The following PRKDC variants were observed in gnomAD, a reference collection of about 807,000 sequenced individuals.
PRKDC encodes the protein protein kinase, DNA-activated, catalytic subunit, also known as DNA-dependent protein kinase catalytic subunit.
In PRKDC, 82 loss-of-function variants were observed where a neutral mutation model predicts 486.9. That is an observed-to-expected ratio of 0.17 (90% confidence interval 0.14 to 0.20). The LOEUF is 0.20. Ranked by LOEUF, PRKDC falls within the 10% of genes least tolerant of loss-of-function variation. The pLI is 1.00. For synonymous variants in PRKDC, 1,895 were observed against 1,837.0 expected (o/e 1.03, Z -0.81); for missense variants, 4,504 against 5,038.2 (o/e 0.89, Z 3.21).
chr8:47,899,428 G>A (rs371622472), intron 28 of PRKDC, among the ~76,000 whole-genome samples: 5 of 152,044 alleles, frequency 3.3e-5, no homozygotes, highest in South Asian at 2.1e-4. Flanking sequence ...GGTGGATCAC[G>A]TAAGGTCAGG....
chr8:47,840,453 T>A (rs2088114008), intron 54 of PRKDC, among the ~76,000 whole-genome samples: 1 of 152,210 alleles, frequency 6.6e-6, no homozygotes, highest in African/African-American at 2.4e-5. Flanking sequence ...AAAGTCTAGT[T>A]TGGTAAATAG....
At chr8:47,874,809 C>G (rs1005592230) in intron 40 of PRKDC, among the ~76,000 whole-genome samples, 2 of 152,136 alleles carry the variant, frequency 1.3e-5, no homozygotes, top group Non-Finnish European at 2.9e-5. Flanking sequence ...AATCCCAGCA[C>G]TTTGGAAGGC....
intron 31 of PRKDC, among the ~76,000 whole-genome samples, chr8:47,891,794 C>T (rs2089464246): frequency 6.6e-6 from 1 of 152,168 alleles, no homozygotes; most frequent in South Asian, 2.1e-4. Flanking sequence ...AGACACACTG[C>T]AACCATGGAT....
chr8:47,793,898 T>C (rs1721520844), intron 74 of PRKDC, among the ~76,000 whole-genome samples: 1 of 152,142 alleles, frequency 6.6e-6, no homozygotes, highest in Non-Finnish European at 1.5e-5. Flanking sequence ...CGGTCTCAAC[T>C]CATAAATCCG....
At chr8:47,815,205 T>C (rs914311194) in intron 68 of PRKDC, among the ~76,000 whole-genome samples, 1 of 152,104 alleles carries the variant, frequency 6.6e-6, no homozygotes, top group Admixed American at 6.6e-5. Flanking sequence ...TATAAAGTGA[T>C]ATAAATGAAG....
intron 44 of PRKDC, 26 bp downstream of exon 44, chr8:47,862,036 T>C (rs745322528): frequency 2.6e-5 from 40 of 1,524,502 alleles, no homozygotes; most frequent in South Asian, 1.5e-4. Flanking sequence ...TGATAAGTTT[T>C]TTTTAACATT....
intron 37 of PRKDC, 63 bp from the exon 38 acceptor site, chr8:47,881,583 A>C: frequency 1.2e-6 from 1 of 838,090 alleles, no homozygotes; most frequent in Non-Finnish European, 1.8e-6. Context: ...CCTTTAGCCC[A>C]TTGCTCAAAT....
At chr8:47,881,059 A>AAAGAAAGC (rs796463191) in intron 38 of PRKDC, among the ~76,000 whole-genome samples, 49 of 148,978 alleles carry the variant, frequency 3.3e-4, no homozygotes, top group Non-Finnish European at 4.6e-4. Context: ...AAAAAAAAAA[A>AAAGAAAGC]AAGAAAGCAA....
At chr8:47,911,519 C>T (rs1225701696) in intron 25 of PRKDC, among the ~76,000 whole-genome samples, 2 of 152,180 alleles carry the variant, frequency 1.3e-5, no homozygotes, top group African/African-American at 4.8e-5. Context: ...TCTATTTAAT[C>T]ACAGTGCATC....
rs1286300030 is a variant in PRKDC at position 47,824,637 on chromosome 8, A to G, written c.8784-641T>C. Among the ~76,000 whole-genome samples, 3 of 152,138 alleles carry G rather than the reference A, an allele frequency of 2.0e-5. No individual in the cohort carries two copies. The East Asian group carries it at 5.8e-4, about 29-fold the overall frequency. ...CCAAAAAACCCAGAAGCAAAAGAAA[A>G]AATAATCCTGACTACTGATGCCATG... On this transcript the variant is annotated intron_variant, in intron 63 of 85. Transcript: ENST00000314191.
rs190772110 is a variant in PRKDC at position 47,899,634 on chromosome 8, A to G, written c.3364+739T>C. On this transcript the variant is annotated intron_variant, in intron 28 of 85. Transcript: ENST00000314191. Reference sequence around the variant, plus strand: ...CTCCAGCCTGGGTGACAAGAGCAAAACCCCATCACAAAAAATAAACAAATA... The same window carrying G: ...CTCCAGCCTGGGTGACAAGAGCAAAGCCCCATCACAAAAAATAAACAAATA... 1.2e-3 allele frequency among the ~76,000 whole-genome samples: 186 copies of G among 152,076 alleles called. 1 individual carries two copies. Among genetic ancestry groups the G allele is most frequent in the African/African-American group, 4.4e-3 (182 of 41,456 alleles).
At chr8:47,859,019 T>C (rs2088613464) in intron 46 of PRKDC, 33 bp from the exon 47 acceptor site, 1 of 1,607,704 alleles carries the variant, frequency 6.2e-7, no homozygotes, top group Non-Finnish European at 8.5e-7. Context: ...GAGCAGAGGG[T>C]ACAGTTAACA....
At chr8:47,939,311 GCCTCATATACAAAAGGTCAGC>G (rs1243936933) in intron 11 of PRKDC, among the ~76,000 whole-genome samples, 1 of 152,206 alleles carries the variant, frequency 6.6e-6, no homozygotes, top group African/African-American at 2.4e-5. Context: ...CCCTGTGGAA[GCCTCATATACAAAAGGTCAGC>G]CCTCTATATA....
chr8:47,870,438 T>C (rs905567734), intron 40 of PRKDC, among the ~76,000 whole-genome samples: 9 of 152,190 alleles, frequency 5.9e-5, no homozygotes, highest in African/African-American at 2.2e-4. Context: ...CCAAGACCAC[T>C]AAGGTGGTAC....
intron 42 of PRKDC, among the ~76,000 whole-genome samples, chr8:47,862,915 C>T (rs907857355): frequency 6.6e-6 from 1 of 152,150 alleles, no homozygotes; most frequent in African/African-American, 2.4e-5. Context: ...TTTGGTGATG[C>T]AAAATGTGAT....
At chr8:47,796,947 T>C (rs1275190848) in intron 73 of PRKDC, among the ~76,000 whole-genome samples, 1 of 152,224 alleles carries the variant, frequency 6.6e-6, no homozygotes, top group East Asian at 1.9e-4. Context: ...GAAGTCAAAC[T>C]ATTTTCCTTC....
intron 3 of PRKDC, among the ~76,000 whole-genome samples, chr8:47,956,969 C>T (rs563445598): frequency 2.7e-5 from 1 of 37,094 alleles, no homozygotes; most frequent in East Asian, 8.0e-4. Flanking sequence ...AAGAGCAAAA[C>T]TCCTTCTCCA....
chr8:47,928,457 G>T (rs544982280), intron 19 of PRKDC, among the ~76,000 whole-genome samples: 1 of 152,130 alleles, frequency 6.6e-6, no homozygotes, highest in African/African-American at 2.4e-5. Context: ...CTGGCTGAGG[G>T]ACTTTTGAAG....
At chr8:47,834,590 C>T (rs547076417) in intron 58 of PRKDC, among the ~76,000 whole-genome samples, 194 bp from the exon 59 acceptor site, 30 of 152,284 alleles carry the variant, frequency 2.0e-4, no homozygotes, top group African/African-American at 6.7e-4. Flanking sequence ...GCCCCTGGAC[C>T]GCAGTGTCCC....
Sources: gnomAD v4.1 joint callset for allele counts (sites outside exome capture counted in the v4.1 genomes callset) on GRCh38, gnomAD v4.1.1 for gene constraint, MANE v1.5 for transcripts, NCBI Gene and HGNC (gene_info 2026-07-23, HGNC 2026-07-21) for gene names.